PRKD1: variants seen among roughly 807,000 people sequenced by gnomAD.
PRKD1 encodes serine/threonine-protein kinase D1.
In PRKD1, 63 loss-of-function variants were observed where a neutral mutation model predicts 95.9. The observed-to-expected ratio is 0.66, with a 90% CI of 0.54 to 0.81. The LOEUF is 0.81. Among genes scored for constraint, PRKD1 ranks in the 30% least tolerant of loss-of-function variants. The pLI is 0.00. For missense variants in PRKD1, 1,048 were observed against 1,165.3 expected (o/e 0.90, Z 1.47); for synonymous variants, 425 against 423.1 (o/e 1.00, Z -0.05).
At chr14:29,854,572 G>A (rs972542146) in intron 1 of PRKD1, among the ~76,000 whole-genome samples, 14 of 152,174 alleles carry the variant, frequency 9.2e-5, no homozygotes, top group South Asian at 4.1e-4. Flanking sequence ...AAAATCTGCC[G>A]CCTGACAATG....
chr14:29,876,465 T>C (rs964887718), intron 1 of PRKD1, among the ~76,000 whole-genome samples: 3 of 152,164 alleles, frequency 2.0e-5, no homozygotes, highest in East Asian at 1.9e-4. Context: ...AAAATCCACA[T>C]AGCTTTACAC....
chr14:29,666,223 A>G lies in PRKD1; in HGVS notation c.404-15T>C, dbSNP rs1882498269. On this transcript the variant is annotated splice_polypyrimidine_tract_variant and intron_variant, in intron 2 of 17. Coordinates refer to ENST00000331968, the MANE Select transcript of PRKD1 (RefSeq NM_002742.3). ...GGTGGCGGAAGCTGTAAAAATAGTG[A>G]TGTTGAAAAGTAAGTTGAATAGGCA... 2 of 1,579,322 alleles carry G rather than the reference A, an allele frequency of 1.3e-6. No individual in the cohort carries two copies. The highest frequency in any genetic ancestry group is 8.7e-7 in the Non-Finnish European group (1 of 1,155,120).
intron 1 of PRKD1, among the ~76,000 whole-genome samples, chr14:29,758,409 C>G (rs1336258618): frequency 2.6e-5 from 4 of 152,150 alleles, no homozygotes; most frequent in Non-Finnish European, 5.9e-5. Flanking sequence ...AGATGCCTGG[C>G]AGTTCAGCAG....
At chr14:29,611,511 C>T (rs1337347670) in intron 13 of PRKD1, among the ~76,000 whole-genome samples, 1 of 151,926 alleles carries the variant, frequency 6.6e-6, no homozygotes, top group Non-Finnish European at 1.5e-5. Flanking sequence ...TAGCAGGGAT[C>T]CTGAATGCAT....
intron 2 of PRKD1, among the ~76,000 whole-genome samples, chr14:29,672,589 G>T (rs1203121365): frequency 1.3e-5 from 2 of 151,946 alleles, no homozygotes; most frequent in African/African-American, 4.8e-5. Context: ...AGTGATGGAA[G>T]AAATCAAATG....
At chr14:29,865,709 T>C (rs991057926) in intron 1 of PRKD1, among the ~76,000 whole-genome samples, 5 of 152,188 alleles carry the variant, frequency 3.3e-5, no homozygotes, top group African/African-American at 1.2e-4. Context: ...ACTCAGTCTG[T>C]GATATTCTGT....
chr14:29,593,479 C>T (rs1387829944), intron 16 of PRKD1, among the ~76,000 whole-genome samples: 1 of 152,154 alleles, frequency 6.6e-6, no homozygotes, highest in South Asian at 2.1e-4. Flanking sequence ...CCTGGGGCTG[C>T]CGAATGATTG....
At chr14:29,884,980 G>A (rs1035204630) in intron 1 of PRKD1, among the ~76,000 whole-genome samples, 4 of 151,954 alleles carry the variant, frequency 2.6e-5, no homozygotes, top group African/African-American at 9.7e-5. Flanking sequence ...AAAATTAGCC[G>A]GGCATCGTGG....
At chr14:29,765,549 T>C (rs1057002243) in intron 1 of PRKD1, among the ~76,000 whole-genome samples, 3 of 152,134 alleles carry the variant, frequency 2.0e-5, no homozygotes, top group Admixed American at 1.3e-4. Flanking sequence ...CAAAACATCA[T>C]GCATGAGGAA....
chr14:29,853,961 C>T (rs1043397889), intron 1 of PRKD1, among the ~76,000 whole-genome samples: 7 of 152,274 alleles, frequency 4.6e-5, no homozygotes, highest in African/African-American at 1.4e-4. Flanking sequence ...ATTGTGATAC[C>T]TCCCCAGCCA....
intron 13 of PRKD1, among the ~76,000 whole-genome samples, chr14:29,602,427 C>CTTT (rs11331211): frequency 2.3e-5 from 3 of 131,434 alleles, no homozygotes; most frequent in East Asian, 2.2e-4. Flanking sequence ...CTGTATTCCT[C>CTTT]TTTTTTTTTT....
At chr14:29,804,697 C>T (rs930203583) in intron 1 of PRKD1, among the ~76,000 whole-genome samples, 1 of 152,062 alleles carries the variant, frequency 6.6e-6, no homozygotes, top group African/African-American at 2.4e-5. Context: ...TTAGAAAGAT[C>T]ATCCCCTGAG....
At chr14:29,686,257 C>T (rs1883861523) in intron 2 of PRKD1, among the ~76,000 whole-genome samples, 1 of 152,026 alleles carries the variant, frequency 6.6e-6, no homozygotes, top group African/African-American at 2.4e-5. Flanking sequence ...TTTGACGTGC[C>T]CGATTCTGAC....
intron 2 of PRKD1, among the ~76,000 whole-genome samples, chr14:29,695,708 G>A (rs1321109181): frequency 6.6e-6 from 1 of 152,202 alleles, no homozygotes; most frequent in African/African-American, 2.4e-5. Flanking sequence ...AGCTGGATAT[G>A]AGAGTCTGGA....
intron 1 of PRKD1, among the ~76,000 whole-genome samples, chr14:29,858,306 G>C (rs1892581347): frequency 6.6e-6 from 1 of 152,048 alleles, no homozygotes; most frequent in Non-Finnish European, 1.5e-5. Context: ...GGTACAAACT[G>C]GTTTTTACAC....
intron 4 of PRKD1, 99 bp from the exon 5 acceptor site, chr14:29,639,003 C>A (rs541809595): frequency 2.3e-6 from 2 of 869,920 alleles, no homozygotes; most frequent in Non-Finnish European, 1.7e-6. Context: ...GTATTTAGTA[C>A]TTTGATGTTT....
chr14:29,897,050 T>C (rs972309313), intron 1 of PRKD1, among the ~76,000 whole-genome samples: 1 of 152,008 alleles, frequency 6.6e-6, no homozygotes, highest in Non-Finnish European at 1.5e-5. Context: ...ACTAGCCAGA[T>C]AAAACCACTT....
chr14:29,620,957 G>A (rs4393479), intron 13 of PRKD1, among the ~76,000 whole-genome samples: 149,967 of 151,994 alleles, frequency 0.99, 73,993 homozygotes, highest in East Asian at 1. Context: ...CTGGATTAAG[G>A]AAATGTGGCA....
intron 2 of PRKD1, among the ~76,000 whole-genome samples, chr14:29,707,314 G>A (rs1336239139): frequency 1.3e-5 from 2 of 152,152 alleles, no homozygotes; most frequent in Non-Finnish European, 2.9e-5. Flanking sequence ...CTATTCCAGT[G>A]AGAAAGGTGG....
Sources: allele counts gnomAD v4.1 joint callset (sites outside exome capture counted in the v4.1 genomes callset), GRCh38; gene constraint gnomAD v4.1.1; transcripts MANE v1.5; gene names NCBI Gene and HGNC (gene_info 2026-07-23, HGNC 2026-07-21).